The following PCDHA12 variants were observed in gnomAD, a reference collection of about 807,000 sequenced individuals.
PCDHA12 encodes the protein protocadherin alpha 12, also known as protocadherin alpha-12.
A neutral mutation model predicts 60.0 loss-of-function variants in PCDHA12; 44 were observed. That is an observed-to-expected ratio of 0.73 (90% CI 0.58 to 0.94). PCDHA12 has a LOEUF of 0.94. Among genes scored for constraint, PCDHA12 ranks in the 40% least tolerant of loss-of-function variants. PCDHA12 has a pLI of 0.00. For missense variants in PCDHA12, 1,276 were observed against 1,239.7 expected (o/e 1.03, Z -0.44); for synonymous variants, 569 against 553.0 (o/e 1.03, Z -0.40).
chr5:140,912,395 T>C (rs782718158), intron 1 of PCDHA12, among the ~76,000 whole-genome samples: 10 of 152,138 alleles, frequency 6.6e-5, no homozygotes, highest in Non-Finnish European at 1.5e-4. Flanking sequence ...CTTAATTTGA[T>C]TCTCAGCTTG....
chr5:140,875,884 C>T lies in PCDHA12; in HGVS notation c.412C>T (p.Gln138Ter), dbSNP rs531777396. Reference sequence around the variant, plus strand: ...CCCGCCGGTGTTCAGAGAAAGGGAACAAAAGGTACCTGTTTCTGAATCTGC... The same window carrying T: ...CCCGCCGGTGTTCAGAGAAAGGGAATAAAAGGTACCTGTTTCTGAATCTGC... ...DNPPVFRERE[Q>*]KVPVSESAPL... The change falls in exon 1 of 4, where the codon CAA becomes TAA. Residue 138 changes from glutamine (Q) to a stop codon, truncating the protein, a stop_gained. Coordinates refer to ENST00000398631, the MANE Select transcript of PCDHA12 (RefSeq NM_018903.4). LOFTEE classifies it high-confidence loss of function. 1.2e-6 allele frequency: 2 copies of T among 1,614,168 alleles called. No individual in the cohort carries two copies. The highest frequency in any genetic ancestry group is 2.2e-5 in the South Asian group (2 of 91,080).
chr5:140,875,751 G>A lies in PCDHA12; in HGVS notation c.279G>A (p.Glu93=), dbSNP rs781862261. The change falls in exon 1 of 4, where the codon GAG becomes GAA. Residue 93 remains glutamate, a synonymous_variant. Transcript: ENST00000398631. ...ILFVNSRIDR[E]KLCGRSAECS... ...TTGTGAATTCTCGGATCGACCGCGA[G>A]AAGCTGTGCGGGCGGAGCGCGGAGT... 1.9e-6 allele frequency: 3 copies of A among 1,614,278 alleles called. No individual in the cohort carries two copies. In the South Asian group the frequency reaches 3.3e-5, roughly 18 times the overall value.
chr5:140,904,857 T>G (rs1223482596), intron 1 of PCDHA12, among the ~76,000 whole-genome samples: 1 of 152,190 alleles, frequency 6.6e-6, no homozygotes, highest in Non-Finnish European at 1.5e-5. Context: ...CTGAGAATTG[T>G]CTGTTTATGT....
intron 1 of PCDHA12, among the ~76,000 whole-genome samples, chr5:140,970,698 A>G (rs2096425914): frequency 6.6e-6 from 1 of 152,228 alleles, no homozygotes; most frequent in Non-Finnish European, 1.5e-5. Flanking sequence ...TTTTAGAGCT[A>G]CTACACAATG....
chr5:141,010,058 C>T lies in PCDHA12; in HGVS notation c.*121C>T. On this transcript the variant is annotated 3_prime_UTR_variant, in exon 4 of 4. Transcript: ENST00000398631. Reference sequence around the variant, plus strand: ...GAGCCCTCTTAGAGACCTCAGAAATCTGCAGAAAGTTCCCTGTGTCTGTCT... The same window carrying T: ...GAGCCCTCTTAGAGACCTCAGAAATTTGCAGAAAGTTCCCTGTGTCTGTCT... 6.2e-7 allele frequency: 1 copy of T among 1,601,100 alleles called. No homozygotes were observed. Among genetic ancestry groups the T allele is most frequent in the Non-Finnish European group, 8.5e-7 (1 of 1,173,728 alleles).
intron 2 of PCDHA12, among the ~76,000 whole-genome samples, chr5:140,981,379 G>C (rs1387904235): frequency 6.6e-6 from 1 of 152,152 alleles, no homozygotes; most frequent in Non-Finnish European, 1.5e-5. Context: ...TTCAAGACCA[G>C]CCTGGTCAAT....
At chr5:140,941,750 T>C (rs528792646) in intron 1 of PCDHA12, among the ~76,000 whole-genome samples, 2 of 152,384 alleles carry the variant, frequency 1.3e-5, no homozygotes, top group Admixed American at 6.5e-5. Flanking sequence ...TATCAGATTT[T>C]CAGTGCTTTT....
At chr5:140,888,118 T>C (rs2061702019) in intron 1 of PCDHA12, among the ~76,000 whole-genome samples, 1 of 152,228 alleles carries the variant, frequency 6.6e-6, no homozygotes, top group Non-Finnish European at 1.5e-5. Context: ...TCTATCTTCT[T>C]CTATGGATAT....
chr5:140,954,652 T>C (rs541171307), intron 1 of PCDHA12, among the ~76,000 whole-genome samples: 24 of 152,356 alleles, frequency 1.6e-4, no homozygotes, highest in African/African-American at 5.8e-4. Flanking sequence ...TTTAAGTTCC[T>C]TGTAGACTCT....
intron 1 of PCDHA12, among the ~76,000 whole-genome samples, chr5:140,949,420 G>A (rs1219049825): frequency 6.6e-6 from 1 of 151,726 alleles, no homozygotes; most frequent in African/African-American, 2.4e-5. Context: ...TCATCATTGT[G>A]TTTATCTCTT....
intron 1 of PCDHA12, among the ~76,000 whole-genome samples, chr5:140,941,256 T>TTTCTTTCTTTCTTTCA (rs2092982969): frequency 2.2e-5 from 1 of 45,974 alleles, no homozygotes. Flanking sequence ...TCTTTCTTTC[T>TTTCTTTCTTTCTTTCA]CTTTCTTTCT....
At chr5:140,954,361 C>T (rs782543125) in intron 1 of PCDHA12, among the ~76,000 whole-genome samples, 18 of 152,220 alleles carry the variant, frequency 1.2e-4, no homozygotes, top group Non-Finnish European at 2.2e-4. Context: ...AATCGCCACA[C>T]AGTCTCCCAC....
intron 1 of PCDHA12, among the ~76,000 whole-genome samples, chr5:140,899,245 G>A (rs2067216472): frequency 6.6e-6 from 1 of 152,128 alleles, no homozygotes; most frequent in Non-Finnish European, 1.5e-5. Context: ...GGAGTGGTGA[G>A]AGAGGGCATC....
At position 140,881,347 on chromosome 5, in the gene PCDHA12, C is replaced by A; in HGVS notation, c.2367+3508C>A. 3 of 985,212 alleles carry A rather than the reference C, an allele frequency of 3.0e-6. No homozygotes were observed. In the African/African-American group the frequency reaches 5.2e-5, roughly 17 times the overall value. 61.0% of individuals were successfully genotyped at this position (985,212 alleles called of 1,614,324 possible). ...TTAACCAGGACGCCGATTCGGGCTA[C>A]AATGCGTGGCTTTCGTATGAATTGC... On this transcript the variant is annotated intron_variant, in intron 1 of 3. Transcript: ENST00000398631.
chr5:140,907,479 G>A (rs782466276), intron 1 of PCDHA12, among the ~76,000 whole-genome samples: 1 of 152,216 alleles, frequency 6.6e-6, no homozygotes, highest in Non-Finnish European at 1.5e-5. Context: ...TGCAGGATAG[G>A]CAAACCCATA....
chr5:140,914,095 C>T (rs1368870998), intron 1 of PCDHA12, among the ~76,000 whole-genome samples: 1 of 152,082 alleles, frequency 6.6e-6, no homozygotes, highest in Admixed American at 6.5e-5. Context: ...TCAATTTGTT[C>T]TATAGTGCAG....
rs1190939164 is a variant in PCDHA12, at chr5:140,968,882, C to T, written c.2368-10067C>T. ...CCCTCGGACATACTCTGAAATTACC[C>T]TTTATCTAATAATAGCATTAAGCAC... On this transcript the variant is annotated intron_variant, in intron 1 of 3. Transcript: ENST00000398631. 6 of 1,614,066 alleles carry T rather than the reference C, an allele frequency of 3.7e-6. No individual in the cohort carries two copies. The African/African-American group carries it at 6.7e-5, about 18-fold the overall frequency.
At chr5:140,911,436 C>G (rs369054235) in intron 1 of PCDHA12, among the ~76,000 whole-genome samples, 14 of 152,124 alleles carry the variant, frequency 9.2e-5, no homozygotes, top group African/African-American at 2.4e-4. Flanking sequence ...TCCAATTTCC[C>G]GCAATTTCAG....
chr5:140,951,503 A>G (rs1554219922), intron 1 of PCDHA12, among the ~76,000 whole-genome samples: 1 of 151,992 alleles, frequency 6.6e-6, no homozygotes, highest in African/African-American at 2.4e-5. Flanking sequence ...AGGCAAAAGG[A>G]AAGCGGCTCA....
Sources: allele counts gnomAD v4.1 joint callset (sites outside exome capture counted in the v4.1 genomes callset), GRCh38; gene constraint gnomAD v4.1.1; transcripts MANE v1.5; gene names NCBI Gene and HGNC (gene_info 2026-07-23, HGNC 2026-07-21).